The following FAM89B variants were observed in gnomAD, a reference collection of about 807,000 sequenced individuals.
The protein encoded by FAM89B is family with sequence similarity 89 member B, also known as leucine repeat adapter protein 25.
In FAM89B, 9 loss-of-function variants were observed where a neutral mutation model predicts 13.4. That is an observed-to-expected ratio of 0.67 (90% confidence interval 0.40 to 1.17). FAM89B has a LOEUF of 1.17. Ranked by LOEUF, FAM89B falls within the 50% of genes most tolerant of loss-of-function variation. The probability of loss-of-function intolerance (pLI) is 0.01; values close to 1 mark genes in which losing one functional copy is unlikely to be tolerated. For synonymous variants in FAM89B, 138 were observed against 121.2 expected (o/e 1.14, Z -0.91); for missense variants, 256 against 256.1 (o/e 1.00, Z 0.00).
Position 65,573,796 on chromosome 11 carries a change from CT to C in FAM89B, c.*158del. On this transcript the variant is annotated 3_prime_UTR_variant, in exon 2 of 2. Transcript: ENST00000530349. Reference sequence around the variant, plus strand: ...TCCTCAGAGGCGAAACTGCCAAACTCTTTCTCCTGTCTTGGGTTGGCTGGCA... The same window carrying C: ...TCCTCAGAGGCGAAACTGCCAAACTCTTCTCCTGTCTTGGGTTGGCTGGCA... The C allele has an allele frequency of 1.1e-6, 1 of 923,086 alleles. No individual in the cohort carries two copies. 57.2% of individuals were successfully genotyped at this position (923,086 alleles called of 1,614,324 possible).
rs918746876 is a variant in FAM89B, at chr11:65,573,718, A to G, written c.*77A>G. The G allele has an allele frequency of 5.4e-6, 8 of 1,486,708 alleles. No homozygotes were observed. In the East Asian group the frequency reaches 1.6e-4, roughly 30 times the overall value. 92.1% of individuals were successfully genotyped at this position (1,486,708 alleles called of 1,614,324 possible). A position where few individuals can be genotyped will look rare whatever the true frequency, so the allele number is the denominator to read the frequency against. On this transcript the variant is annotated 3_prime_UTR_variant, in exon 2 of 2. Coordinates refer to ENST00000530349, the MANE Select transcript of FAM89B (RefSeq NM_001098785.2). ...CCTCCGGCAAGCCCTCAGACTTCGG[A>G]GCCTGCGCCTTCCCCCCTACCGCCT... is the stretch of plus-strand genomic sequence containing the variant.
Position 65,572,908 on chromosome 11 carries a change from C to T in FAM89B, c.239C>T (p.Pro80Leu). Residue 80 changes from proline (P) to leucine (L), a missense_variant, in exon 1 of 2, where the codon CCG becomes CTG. Coordinates refer to ENST00000530349, the MANE Select transcript of FAM89B (RefSeq NM_001098785.2). ...GCCAACGCGGGACCCGCAGCCGGCC[C>T]GCGTCGTCCTGTCAACCTCGACTCA... ...GAANAGPAAG[P>L]RRPVNLDSAL... 4 of 1,218,292 alleles carry T rather than the reference C, an allele frequency of 3.3e-6. No homozygotes were observed. The highest frequency in any genetic ancestry group is 3.1e-6 in the Non-Finnish European group (3 of 981,912). 75.5% of individuals were successfully genotyped at this position (1,218,292 alleles called of 1,614,324 possible). A position where few individuals can be genotyped will look rare whatever the true frequency, so the allele number is the denominator to read the frequency against.
At position 65,573,750 on chromosome 11, in the gene FAM89B, A is replaced by G. The variant is rs570201829; in HGVS notation, c.*109A>G. 2 of 1,306,248 alleles carry G rather than the reference A, an allele frequency of 1.5e-6. No homozygotes were observed. Among genetic ancestry groups the G allele is most frequent in the East Asian group, 2.4e-5 (1 of 41,646 alleles). 80.9% of individuals were successfully genotyped at this position (1,306,248 alleles called of 1,614,324 possible). On this transcript the variant is annotated 3_prime_UTR_variant, in exon 2 of 2. Coordinates refer to ENST00000530349, the MANE Select transcript of FAM89B (RefSeq NM_001098785.2). Reference sequence around the variant, plus strand: ...GCCTTCCCCCCTACCGCCTCACCTCACAGGAGGGCCAGGCATGTATTCCTC... The same window carrying G: ...GCCTTCCCCCCTACCGCCTCACCTCGCAGGAGGGCCAGGCATGTATTCCTC...
rs1220392238 is a variant in FAM89B at position 65,572,548 on chromosome 11, G to A, written c.-122G>A. On this transcript the variant is annotated 5_prime_UTR_variant, in exon 1 of 2. Transcript: ENST00000530349. ...TCTGAGGAGCTGGGGAAGGAACAAA[G>A]CGAGGCCTGCGGGCGGCGGCTGGGC... 1 of 1,476,384 alleles carries A rather than the reference G, an allele frequency of 6.8e-7. No homozygotes were observed. Among genetic ancestry groups the A allele is most frequent in the Non-Finnish European group, 9.0e-7 (1 of 1,112,518 alleles). The allele number at this position is 1,476,384 out of a possible 1,614,324, so 91.5% of individuals were successfully genotyped here.
intron 1 of FAM89B, 60 bp from the exon 2 acceptor site, chr11:65,573,303 G>A: frequency 1.4e-6 from 2 of 1,465,666 alleles, no homozygotes; most frequent in Non-Finnish European, 1.8e-6. Flanking sequence ...TATTCCAGGG[G>A]GCGGGGCTGG....
rs1590801985 is a variant in FAM89B at position 65,572,579 on chromosome 11, C to T, written c.-91C>T. On this transcript the variant is annotated 5_prime_UTR_variant, in exon 1 of 2. Coordinates refer to ENST00000530349, the MANE Select transcript of FAM89B (RefSeq NM_001098785.2). ...CCTGCGGGCGGCGGCTGGGCTCCGG[C>T]GGGGCCGCGGGGTGCGGGGCCTGCG... 47 of 1,371,836 alleles carry T rather than the reference C, an allele frequency of 3.4e-5. No individual in the cohort carries two copies. Among genetic ancestry groups the T allele is most frequent in the Non-Finnish European group, 4.2e-5 (44 of 1,055,490 alleles). The allele number at this position is 1,371,836 out of a possible 1,614,324, so 85.0% of individuals were successfully genotyped here.
chr11:65,573,071 C>T (rs1857161837), intron 1 of FAM89B, 111 bp downstream of exon 1: 1 of 1,030,830 alleles, frequency 9.7e-7, no homozygotes, highest in South Asian at 4.4e-5. Flanking sequence ...AGTTGGGTTG[C>T]AAGGGTTATG....
intron 1 of FAM89B, 145 bp downstream of exon 1, chr11:65,573,105 C>G (rs1857162187): frequency 1.2e-6 from 1 of 822,228 alleles, no homozygotes; most frequent in Non-Finnish European, 1.7e-6. Flanking sequence ...GTGATAGTTA[C>G]CAATTATGGC....
intron 1 of FAM89B, 155 bp from the exon 2 acceptor site, chr11:65,573,208 C>A: frequency 2.0e-6 from 2 of 1,019,978 alleles, no homozygotes; most frequent in African/African-American, 1.6e-5. Context: ...AGGGTCATGA[C>A]TAAAGTTGCA....
chr11:65,572,982 C>T, intron 1 of FAM89B, 22 bp downstream of exon 1: 1 of 1,227,244 alleles, frequency 8.1e-7, no homozygotes, highest in East Asian at 3.2e-5. Context: ...GGCGCCGGGC[C>T]AGCTGGGCGG....
At position 65,573,483 on chromosome 11, in the gene FAM89B, C is replaced by T. The variant is rs370112689; in HGVS notation, c.412C>T (p.Leu138Phe). ...CTTCTGCCAGGACCTGTCATCCTCC[C>T]TCCATTCGGACAGCTCCTACCCACC... Reference protein sequence around the residue: ...LSFCQDLSSSLHSDSSYPPDA... With the variant: ...LSFCQDLSSSFHSDSSYPPDA... Residue 138 changes from leucine to phenylalanine, a missense_variant, in exon 2 of 2, where the codon CTC (leucine) becomes TTC (phenylalanine). Coordinates refer to ENST00000530349, the MANE Select transcript of FAM89B (RefSeq NM_001098785.2). The T allele has an allele frequency of 1.5e-5, 24 of 1,614,066 alleles. No homozygotes were observed. Among genetic ancestry groups the T allele is most frequent in the Non-Finnish European group, 1.9e-5 (22 of 1,180,020 alleles).
chr11:65,572,728 T>C lies in FAM89B; in HGVS notation c.59T>C (p.Leu20Pro). The change falls in exon 1 of 2, where the codon CTC becomes CCC. Residue 20 changes from leucine to proline, a missense_variant. Coordinates refer to ENST00000530349, the MANE Select transcript of FAM89B (RefSeq NM_001098785.2). ...GGGGCGGGCTGCGCTTTGGCCGGGC[T>C]CCCACCGCTGCCGCGCGGCCTCAGC... ...PGGAGCALAGLPPLPRGLSGL... is the reference protein window; with the variant it reads ...PGGAGCALAGPPPLPRGLSGL... 1 of 1,165,124 alleles carries C rather than the reference T, an allele frequency of 8.6e-7. No homozygotes were observed. The highest frequency in any genetic ancestry group is 1.1e-6 in the Non-Finnish European group (1 of 944,874). The allele number at this position is 1,165,124 out of a possible 1,614,324, so 72.2% of individuals were successfully genotyped here.
At chr11:65,573,213 G>A in intron 1 of FAM89B, 150 bp from the exon 2 acceptor site, 1 of 1,049,294 alleles carries the variant, frequency 9.5e-7, no homozygotes, top group Non-Finnish European at 1.3e-6. Flanking sequence ...CATGACTAAA[G>A]TTGCATAGCT....
At position 65,572,704 on chromosome 11, in the gene FAM89B, G is replaced by A; in HGVS notation, c.35G>A (p.Gly12Glu). ...NGLPSAEAPG[G>E]AGCALAGLPP... ...CTGCCCTCGGCAGAGGCGCCGGGCG[G>A]GGCGGGCTGCGCTTTGGCCGGGCTC... The change falls in exon 1 of 2, where the codon GGG becomes GAG. Residue 12 changes from glycine (G) to glutamate (E), a missense_variant. Coordinates refer to ENST00000530349, the MANE Select transcript of FAM89B (RefSeq NM_001098785.2). 8.6e-7 allele frequency: 1 copy of A among 1,159,328 alleles called. No individual in the cohort carries two copies. The highest frequency in any genetic ancestry group is 1.1e-6 in the Non-Finnish European group (1 of 941,890). The allele number at this position is 1,159,328 out of a possible 1,614,324, so 71.8% of individuals were successfully genotyped here.
At position 65,572,699 on chromosome 11, in the gene FAM89B, G is replaced by T; in HGVS notation, c.30G>T (p.Pro10=). The T allele has an allele frequency of 8.6e-7, 1 of 1,158,856 alleles. No homozygotes were observed. The highest frequency in any genetic ancestry group is 4.1e-5 in the East Asian group (1 of 24,640). The allele number at this position is 1,158,856 out of a possible 1,614,324, so 71.8% of individuals were successfully genotyped here. A position where few individuals can be genotyped will look rare whatever the true frequency, so the allele number is the denominator to read the frequency against. The part of the protein sequence containing the change: MNGLPSAEA[P]GGAGCALAGL... ...ACGGGCTGCCCTCGGCAGAGGCGCC[G>T]GGCGGGGCGGGCTGCGCTTTGGCCG... Residue 10 remains proline (P), a synonymous_variant, in exon 1 of 2, where the codon CCG becomes CCT. Transcript: ENST00000530349.
Position 65,572,890 on chromosome 11 carries a change from C to T in FAM89B, c.221C>T (p.Ala74Val). The change falls in exon 1 of 2, where the codon GCG (alanine) becomes GTG (valine). Residue 74 changes from alanine (A) to valine (V), a missense_variant. Physicochemically the swap from Ala to Val is moderately conservative, Grantham distance 64. Coordinates refer to ENST00000530349, the MANE Select transcript of FAM89B (RefSeq NM_001098785.2). Reference protein sequence around the residue: ...GPRHAAGAANAGPAAGPRRPV... With the variant: ...GPRHAAGAANVGPAAGPRRPV... Reference sequence around the variant, plus strand: ...CGCCACGCCGCCGGCGCCGCCAACGCGGGACCCGCAGCCGGCCCGCGTCGT... The same window carrying T: ...CGCCACGCCGCCGGCGCCGCCAACGTGGGACCCGCAGCCGGCCCGCGTCGT... 1 of 1,209,426 alleles carries T rather than the reference C, an allele frequency of 8.3e-7. No homozygotes were observed. The highest frequency in any genetic ancestry group is 1.0e-6 in the Non-Finnish European group (1 of 977,142). 74.9% of individuals were successfully genotyped at this position (1,209,426 alleles called of 1,614,324 possible). A position where few individuals can be genotyped will look rare whatever the true frequency, so the allele number is the denominator to read the frequency against.
rs1018143820 is a variant in FAM89B, at chr11:65,572,841, G to A, written c.172G>A (p.Ala58Thr). 4 of 1,195,802 alleles carry A rather than the reference G, an allele frequency of 3.3e-6. No individual in the cohort carries two copies. Among genetic ancestry groups the A allele is most frequent in the African/African-American group, 1.6e-5 (1 of 62,198 alleles). 74.1% of individuals were successfully genotyped at this position (1,195,802 alleles called of 1,614,324 possible). The change falls in exon 1 of 2, where the codon GCC becomes ACC. Residue 58 changes from alanine to threonine, a missense_variant. Ala to Thr is a moderately conservative substitution (Grantham distance 58, BLOSUM62 0). Transcript: ENST00000530349. ...CCGCATCCACGACGAGCTGAGCCGC[G>A]CCGCCCGCGCCCCGGACGGGCCCCG... ...RSRIHDELSR[A>T]ARAPDGPRHA...
At position 65,572,655 on chromosome 11, in the gene FAM89B, G is replaced by A. The variant is rs1857151768; in HGVS notation, c.-15G>A. On this transcript the variant is annotated 5_prime_UTR_variant, in exon 1 of 2. Coordinates refer to ENST00000530349, the MANE Select transcript of FAM89B (RefSeq NM_001098785.2). ...AGGGAAGGAGGTGGCATCGCCGTCC[G>A]CGCCGGCCCCGGCCATGAACGGGCT... The A allele has an allele frequency of 7.7e-6, 9 of 1,171,992 alleles. No homozygotes were observed. Among genetic ancestry groups the A allele is most frequent in the Non-Finnish European group, 9.5e-6 (9 of 951,896 alleles). 72.6% of individuals were successfully genotyped at this position (1,171,992 alleles called of 1,614,324 possible). A position where few individuals can be genotyped will look rare whatever the true frequency, so the allele number is the denominator to read the frequency against.
chr11:65,572,761 T>C lies in FAM89B; in HGVS notation c.92T>C (p.Leu31Pro). ...PPLPRGLSGL[L>P]NASGGSWREL... ...CTGCCGCGCGGCCTCAGCGGCCTCC[T>C]TAATGCGAGCGGGGGCTCGTGGCGG... Residue 31 changes from leucine (L) to proline (P), a missense_variant, in exon 1 of 2, where the codon CTT (leucine) becomes CCT (proline). By Grantham distance (98) the Leu-to-Pro change is moderately conservative (BLOSUM62 -3). Transcript: ENST00000530349. The C allele has an allele frequency of 8.4e-7, 1 of 1,193,440 alleles. No homozygotes were observed. The highest frequency in any genetic ancestry group is 1.0e-6 in the Non-Finnish European group (1 of 958,830). 73.9% of individuals were successfully genotyped at this position (1,193,440 alleles called of 1,614,324 possible).
Sources: gnomAD v4.1 joint callset for allele counts on GRCh38, gnomAD v4.1.1 for gene constraint, MANE v1.5 for transcripts, NCBI Gene and HGNC (gene_info 2026-07-23, HGNC 2026-07-21) for gene names.